BTBD9: variants seen among roughly 807,000 people sequenced by gnomAD.
BTBD9 encodes the protein BTB domain containing 9, also known as BTB/POZ domain-containing protein 9.
In BTBD9, 49 loss-of-function variants were observed where a neutral mutation model predicts 64.3. That is an observed-to-expected ratio of 0.76 (90% CI 0.61 to 0.97). The LOEUF (loss-of-function observed/expected upper bound fraction) is 0.97. Ranked by LOEUF, BTBD9 falls within the 50% of genes least tolerant of loss-of-function variation. The pLI is 0.00. For synonymous variants in BTBD9, 260 were observed against 274.7 expected (o/e 0.95, Z 0.53); for missense variants, 598 against 762.1 (o/e 0.78, Z 2.53).
chr6:38,460,911 C>T (rs1367693474), intron 6 of BTBD9, among the ~76,000 whole-genome samples: 1 of 152,110 alleles, frequency 6.6e-6, no homozygotes, highest in Non-Finnish European at 1.5e-5. Flanking sequence ...GTGTGAGCCA[C>T]CACGCCCGGC....
At position 38,380,402 on chromosome 6, in the gene BTBD9, C is replaced by G. The variant is rs183309990; in HGVS notation, c.1155-35309G>C. Among the ~76,000 whole-genome samples, 20 of 152,286 alleles carry G rather than the reference C, an allele frequency of 1.3e-4. No individual in the cohort carries two copies. In the East Asian group the frequency reaches 2.9e-3, roughly 22 times the overall value. On this transcript the variant is annotated intron_variant, in intron 6 of 10. Coordinates refer to ENST00000481247, the MANE Select transcript of BTBD9 (RefSeq NM_001099272.2). Reference sequence around the variant, plus strand: ...AAATATTTATGGATAATGCTAAACACACATTGACTAGATAAAACAATAATA... The same window carrying G: ...AAATATTTATGGATAATGCTAAACAGACATTGACTAGATAAAACAATAATA...
At chr6:38,278,833 A>G (rs1761390757) in intron 8 of BTBD9, among the ~76,000 whole-genome samples, 5 of 152,232 alleles carry the variant, frequency 3.3e-5, no homozygotes, top group Admixed American at 3.3e-4. Context: ...ATTGAGGGAT[A>G]TGGTTTCAGG....
intron 6 of BTBD9, among the ~76,000 whole-genome samples, chr6:38,395,185 C>A (rs757400336): frequency 1.1e-4 from 17 of 152,048 alleles, no homozygotes; most frequent in Non-Finnish European, 2.2e-4. Flanking sequence ...AATCCTAATA[C>A]TTTGGGAGGT....
chr6:38,465,753 A>ATATATGTG (rs1554158495), intron 6 of BTBD9, among the ~76,000 whole-genome samples: 6 of 39,742 alleles, frequency 1.5e-4, no homozygotes, highest in African/African-American at 5.9e-4. Context: ...ATATATATAT[A>ATATATGTG]TATGTATGTA....
At chr6:38,542,801 A>C in intron 6 of BTBD9, among the ~76,000 whole-genome samples, 1 of 152,080 alleles carries the variant, frequency 6.6e-6, no homozygotes. Flanking sequence ...GCCTCCTAAA[A>C]CTTAGGCCCA....
chr6:38,374,283 G>GTATATATATATATATATATATATATA (rs57568036), intron 6 of BTBD9, among the ~76,000 whole-genome samples: 3 of 45,472 alleles, frequency 6.6e-5, no homozygotes, highest in East Asian at 1.5e-3. Context: ...AAAAAAAAAA[G>GTATATATATATATATATATATATATA]TATATATATA....
chr6:38,503,587 C>T (rs1191870741), intron 6 of BTBD9, among the ~76,000 whole-genome samples: 1 of 152,138 alleles, frequency 6.6e-6, no homozygotes, highest in Non-Finnish European at 1.5e-5. Flanking sequence ...ACCACTTCAT[C>T]CCTTTTTGCT....
intron 7 of BTBD9, among the ~76,000 whole-genome samples, chr6:38,304,673 C>T (rs552867800): frequency 1.3e-5 from 2 of 152,230 alleles, no homozygotes; most frequent in African/African-American, 4.8e-5. Context: ...TCAAGCAATC[C>T]TCCCACCTTG....
chr6:38,399,709 T>C (rs758885215), intron 6 of BTBD9, among the ~76,000 whole-genome samples: 1 of 151,970 alleles, frequency 6.6e-6, no homozygotes, highest in Non-Finnish European at 1.5e-5. Context: ...CAGCTAGGAG[T>C]AGCCATCTGA....
chr6:38,207,964 C>G (rs922286045), intron 9 of BTBD9, among the ~76,000 whole-genome samples: 2 of 151,670 alleles, frequency 1.3e-5, no homozygotes, highest in African/African-American at 4.8e-5. Flanking sequence ...CAAAACTGTC[C>G]ATGTATAACT....
chr6:38,450,713 G>A (rs765204353), intron 6 of BTBD9, among the ~76,000 whole-genome samples: 10 of 152,138 alleles, frequency 6.6e-5, no homozygotes, highest in East Asian at 1.9e-4. Flanking sequence ...ATTAACCATC[G>A]ACTTATAAAA....
intron 9 of BTBD9, among the ~76,000 whole-genome samples, chr6:38,201,943 A>G (rs988905581): frequency 5.9e-5 from 9 of 152,202 alleles, no homozygotes; most frequent in African/African-American, 2.2e-4. Flanking sequence ...ACTGAAGAGA[A>G]TACAAACAAA....
In BTBD9 at chr6:38,274,845, T is replaced by C. The variant is rs1367863309; in HGVS notation, c.1454+13427A>G. ...GGATATTGGTCTAAAGTTCTCTTTGTTCGTTGTGTCTCTGCCAGGCTTTGG... is the reference window on the plus strand; with the variant it reads ...GGATATTGGTCTAAAGTTCTCTTTGCTCGTTGTGTCTCTGCCAGGCTTTGG... On this transcript the variant is annotated intron_variant, in intron 8 of 10. Coordinates refer to ENST00000481247, the MANE Select transcript of BTBD9 (RefSeq NM_001099272.2). Among the ~76,000 whole-genome samples the C allele has an allele frequency of 4.6e-5, 7 of 152,280 alleles. No individual in the cohort carries two copies. The South Asian group carries it at 1.0e-3, about 23-fold the overall frequency.
intron 6 of BTBD9, among the ~76,000 whole-genome samples, chr6:38,417,022 G>T (rs1234647395): frequency 6.6e-6 from 1 of 152,124 alleles, no homozygotes; most frequent in African/African-American, 2.4e-5. Flanking sequence ...CCGTAACCTT[G>T]TCCTCCTGGG....
intron 7 of BTBD9, among the ~76,000 whole-genome samples, chr6:38,340,142 T>C (rs921827139): frequency 1.3e-5 from 2 of 152,348 alleles, no homozygotes; most frequent in South Asian, 2.1e-4. Context: ...ACTCATGATA[T>C]ATTTCATCTG....
chr6:38,610,920 G>A (rs958773510), intron 1 of BTBD9, among the ~76,000 whole-genome samples: 2 of 150,804 alleles, frequency 1.3e-5, no homozygotes, highest in Non-Finnish European at 3.0e-5. Flanking sequence ...ACCGGGGTGG[G>A]GGGGGGACTA....
chr6:38,394,179 AGTCTAGTGG>A (rs1365611599), intron 6 of BTBD9, among the ~76,000 whole-genome samples: 1 of 152,166 alleles, frequency 6.6e-6, no homozygotes, highest in East Asian at 1.9e-4. Context: ...TGAACTTAAG[AGTCTAGTGG>A]GGAAGTCAGG....
chr6:38,522,074 G>A (rs974167226), intron 6 of BTBD9, among the ~76,000 whole-genome samples: 1 of 152,170 alleles, frequency 6.6e-6, no homozygotes, highest in South Asian at 2.1e-4. Context: ...CACTGCCCGA[G>A]TGTGGGCCTC....
rs112808333 is a variant in BTBD9, at chr6:38,466,090, T to A, written c.1154+111510A>T. Among the ~76,000 whole-genome samples the A allele has an allele frequency of 7.3e-3, 1,103 of 151,422 alleles. 9 individuals are homozygous for A. Among genetic ancestry groups the A allele is most frequent in the African/African-American group, 0.025 (1,044 of 41,312 alleles). Reference sequence around the variant, plus strand: ...AGCCTCCCAAAGTGCTGGGATTACATGCATGTGAGCCACTGTGCCCAGCCA... The same window carrying A: ...AGCCTCCCAAAGTGCTGGGATTACAAGCATGTGAGCCACTGTGCCCAGCCA... On this transcript the variant is annotated intron_variant, in intron 6 of 10. Coordinates refer to ENST00000481247, the MANE Select transcript of BTBD9 (RefSeq NM_001099272.2).
Sources: allele counts gnomAD v4.1 joint callset (sites outside exome capture counted in the v4.1 genomes callset), GRCh38; gene constraint gnomAD v4.1.1; transcripts MANE v1.5; gene names NCBI Gene and HGNC (gene_info 2026-07-23, HGNC 2026-07-21).